RPS6KA6: variants seen among roughly 807,000 people sequenced by gnomAD.
The protein encoded by RPS6KA6 is ribosomal protein S6 kinase alpha-6.
In RPS6KA6, 27 loss-of-function variants were observed where a neutral mutation model predicts 65.4. The observed-to-expected ratio is 0.41, with a 90% CI of 0.30 to 0.57. RPS6KA6 has a LOEUF of 0.57. Among genes scored for constraint, RPS6KA6 ranks in the 20% least tolerant of loss-of-function variants. The pLI is 0.24. For synonymous variants in RPS6KA6, 190 were observed against 184.2 expected, an observed-to-expected ratio of 1.03 and a Z score of -0.26; for missense variants, 486 against 555.6, an observed-to-expected ratio of 0.87 and a Z score of 1.26.
At position 84,104,713 on chromosome X, in the gene RPS6KA6, CTTAAA is replaced by C. The variant is rs760742172; in HGVS notation, c.1456-61_1456-57del. On this transcript the variant is annotated intron_variant, in intron 16 of 21. Transcript: ENST00000262752. ...TATTTATAATTACAATTCTATAATTCTTAAATTAGATTTTAATTATATTTACCTTT... is the reference window on the plus strand; with the variant it reads ...TATTTATAATTACAATTCTATAATTCTTAGATTTTAATTATATTTACCTTT... The C allele has an allele frequency of 4.3e-3, 3,185 of 748,980 alleles. 8 individuals are homozygous for C. The highest frequency in any genetic ancestry group is 5.4e-3 in the Non-Finnish European group (3,001 of 552,454). The allele number at this position is 748,980 out of a possible 1,213,427, so 61.7% of individuals were successfully genotyped here. A position where few individuals can be genotyped will look rare whatever the true frequency, so the allele number is the denominator to read the frequency against.
chrX:84,099,776 A>G (rs2034225386), intron 18 of RPS6KA6, among the ~76,000 whole-genome samples: 1 of 111,351 alleles, frequency 9.0e-6, no homozygotes, highest in Non-Finnish European at 1.9e-5. Context: ...TAGGTATAGT[A>G]GAAAAGCACA....
rs973599294 is a variant in RPS6KA6, at chrX:84,070,488, C to T, written c.1972-5377G>A. ...TGACGGGTTGCTAGGTGCAGCAAACCACCATGGCACATGTATACCTATATA... is the reference window on the plus strand; with the variant it reads ...TGACGGGTTGCTAGGTGCAGCAAACTACCATGGCACATGTATACCTATATA... On this transcript the variant is annotated intron_variant, in intron 20 of 21. Transcript: ENST00000262752. 2.7e-5 allele frequency among the ~76,000 whole-genome samples: 3 copies of T among 110,381 alleles called. No homozygotes were observed. In the Admixed American group the frequency reaches 2.9e-4, roughly 11 times the overall value.
At chrX:84,157,892 G>A (rs2035442664) in intron 2 of RPS6KA6, among the ~76,000 whole-genome samples, 1 of 109,239 alleles carries the variant, frequency 9.2e-6, no homozygotes, top group East Asian at 2.8e-4. Flanking sequence ...ATGCTCACAT[G>A]CCCATCCTCT....
chrX:84,111,648 T>G (rs1334390648), intron 12 of RPS6KA6, among the ~76,000 whole-genome samples: 1 of 111,274 alleles, frequency 9.0e-6, no homozygotes, highest in African/African-American at 3.3e-5. Flanking sequence ...GAGAGGAACT[T>G]ATCACCATTA....
rs751602149 is a variant in RPS6KA6 at position 84,187,975 on chromosome X, C to CCCGCCGCCG, written c.-85_-77dup. On this transcript the variant is annotated 5_prime_UTR_variant, in exon 1 of 22. Transcript: ENST00000262752. ...CCGCGCATCCTGTCTATTGAACTGG[C>CCCGCCGCCG]CCGCCGCCGCCGCCGCCGCCGCCGC... The CCCGCCGCCG allele has an allele frequency of 7.0e-5, 53 of 755,614 alleles. No homozygotes were observed. The East Asian group carries it at 8.8e-4, about 13-fold the overall frequency. The allele number at this position is 755,614 out of a possible 1,213,427, so 62.3% of individuals were successfully genotyped here.
At chrX:84,103,606 C>A (rs746399054) in intron 17 of RPS6KA6, among the ~76,000 whole-genome samples, 4 of 110,835 alleles carry the variant, frequency 3.6e-5, no homozygotes, top group Non-Finnish European at 7.6e-5. Context: ...GAAGTAAGAA[C>A]CTGAAGGTTC....
Position 84,119,921 on chromosome X carries a change from G to C in RPS6KA6, c.753C>G (p.Ser251=). ...CATATGACCACCAATCAGCACTCTG[G>C]GAATGGCCTCTCCTATTTACTACTT... The part of the protein sequence containing the change: ...APEVVNRRGH[S]QSADWWSYGV... The change falls in exon 9 of 22, where the codon TCC becomes TCG. Residue 251 remains serine (S), a synonymous_variant. Transcript: ENST00000262752. 3 of 1,198,390 alleles carry C rather than the reference G, an allele frequency of 2.5e-6. No homozygotes were observed. The highest frequency in any genetic ancestry group is 3.4e-6 in the Non-Finnish European group (3 of 887,582).
At chrX:84,085,177 T>C (rs2033891414) in intron 20 of RPS6KA6, among the ~76,000 whole-genome samples, 1 of 111,218 alleles carries the variant, frequency 9.0e-6, no homozygotes, top group Admixed American at 9.6e-5. Flanking sequence ...TCTATTTGAA[T>C]ACCCTTTATT....
Position 84,061,988 on chromosome X carries a change from G to GC in RPS6KA6, c.*2288dup, listed in dbSNP as rs1174933366. On this transcript the variant is annotated 3_prime_UTR_variant, in exon 22 of 22. Coordinates refer to ENST00000262752, the MANE Select transcript of RPS6KA6 (RefSeq NM_014496.5). ...TGAAGCTCTCCCATATAATAAGGTT[G>GC]CCCCCTACTACTGTGGTTAAGCTAG... The GC allele has an allele frequency of 5.4e-5, 6 of 111,059 alleles. No individual in the cohort carries two copies. Among genetic ancestry groups the GC allele is most frequent in the Non-Finnish European group, 9.5e-5 (5 of 52,830 alleles). 9.2% of individuals were successfully genotyped at this position (111,059 alleles called of 1,213,427 possible). A position where few individuals can be genotyped will look rare whatever the true frequency, so the allele number is the denominator to read the frequency against.
At chrX:84,138,749 G>C (rs1354211660) in intron 6 of RPS6KA6, among the ~76,000 whole-genome samples, 2 of 109,727 alleles carry the variant, frequency 1.8e-5, no homozygotes, top group Non-Finnish European at 3.8e-5. Context: ...ACATTTTCTT[G>C]AATAAGGAAA....
At chrX:84,074,232 A>G (rs893946249) in intron 20 of RPS6KA6, among the ~76,000 whole-genome samples, 3 of 112,084 alleles carry the variant, frequency 2.7e-5, no homozygotes, top group African/African-American at 9.7e-5. Context: ...AACCTGGAAG[A>G]CATTATGTTA....
intron 8 of RPS6KA6, among the ~76,000 whole-genome samples, chrX:84,124,693 T>G (rs2034743125): frequency 9.1e-6 from 1 of 109,518 alleles, no homozygotes; most frequent in African/African-American, 3.3e-5. Context: ...GTCTAAGAGC[T>G]ACTGGACTTG....
Position 84,076,532 on chromosome X carries a change from C to A in RPS6KA6, c.1972-11421G>T, listed in dbSNP as rs191226128. Among the ~76,000 whole-genome samples the A allele has an allele frequency of 4.2e-4, 47 of 111,614 alleles. 1 individual carries two copies. Among genetic ancestry groups the A allele is most frequent in the Admixed American group, 4.0e-3 (42 of 10,519 alleles). On this transcript the variant is annotated intron_variant, in intron 20 of 21. Coordinates refer to ENST00000262752, the MANE Select transcript of RPS6KA6 (RefSeq NM_014496.5). ...GTAATTCAAATGTATATCAATGTAA[C>A]AACAATAAAGAAAATCATGTGATTA...
chrX:84,166,981 G>GA (rs942536235), intron 1 of RPS6KA6, among the ~76,000 whole-genome samples: 21 of 106,452 alleles, frequency 2.0e-4, no homozygotes, highest in Admixed American at 4.0e-4. Context: ...TCCCAAATTT[G>GA]AAAAAAAAAA....
intron 20 of RPS6KA6, among the ~76,000 whole-genome samples, chrX:84,065,687 A>T (rs982205119): frequency 1.8e-5 from 2 of 111,798 alleles, no homozygotes; most frequent in Non-Finnish European, 3.8e-5. Context: ...GCAATTAAAA[A>T]AGTTGTAAAT....
intron 20 of RPS6KA6, among the ~76,000 whole-genome samples, chrX:84,084,942 T>C (rs1333206763): frequency 9.0e-6 from 1 of 111,280 alleles, no homozygotes; most frequent in Non-Finnish European, 1.9e-5. Flanking sequence ...GCTGTATTCG[T>C]AGGTGTTTTA....
intron 20 of RPS6KA6, among the ~76,000 whole-genome samples, chrX:84,073,392 A>G (rs1045994001): frequency 6.2e-5 from 7 of 112,172 alleles, no homozygotes; most frequent in Non-Finnish European, 1.3e-4. Context: ...TGGATTGAAT[A>G]CTTAAATGTA....
At position 84,132,776 on chromosome X, in the gene RPS6KA6, C is replaced by T. The variant is rs1317164422; in HGVS notation, c.646+2006G>A. On this transcript the variant is annotated intron_variant, in intron 8 of 21. Transcript: ENST00000262752. ...ACTGATCTGTTATAACAATCATAATCTCAGAACGAGGCCAATCAGACTCAA... is the reference window on the plus strand; with the variant it reads ...ACTGATCTGTTATAACAATCATAATTTCAGAACGAGGCCAATCAGACTCAA... Among the ~76,000 whole-genome samples, 5 of 109,595 alleles carry T rather than the reference C, an allele frequency of 4.6e-5. No individual in the cohort carries two copies. The Admixed American group carries it at 4.9e-4, about 11-fold the overall frequency.
intron 6 of RPS6KA6, among the ~76,000 whole-genome samples, chrX:84,145,243 G>A (rs1297724783): frequency 9.0e-6 from 1 of 110,921 alleles, no homozygotes; most frequent in African/African-American, 3.3e-5. Context: ...TCCTAGGCTT[G>A]CCCGTATCTA....
Sources: gnomAD v4.1 joint callset for allele counts (sites outside exome capture counted in the v4.1 genomes callset) on GRCh38, gnomAD v4.1.1 for gene constraint, MANE v1.5 for transcripts, NCBI Gene and HGNC (gene_info 2026-07-23, HGNC 2026-07-21) for gene names.